Variants in ERGIC3 observed in about 807,000 individuals in gnomAD.
ERGIC3 encodes the protein endoplasmic reticulum-Golgi intermediate compartment protein 3.
A neutral mutation model predicts 54.7 loss-of-function variants in ERGIC3; 33 were observed. That is an observed-to-expected ratio of 0.60 (90% confidence interval 0.46 to 0.81). The LOEUF (loss-of-function observed/expected upper bound fraction) is 0.81. Among genes scored for constraint, ERGIC3 ranks in the 30% least tolerant of loss-of-function variants. The probability of loss-of-function intolerance (pLI) is 0.00; values close to 1 mark genes in which losing one functional copy is unlikely to be tolerated. For missense variants in ERGIC3, 399 were observed against 488.4 expected, an observed-to-expected ratio of 0.82 and a Z score of 1.73; for synonymous variants, 186 against 189.8, an observed-to-expected ratio of 0.98 and a Z score of 0.16.
intron 4 of ERGIC3, among the ~76,000 whole-genome samples, chr20:35,546,842 G>A (rs1305346434): frequency 6.6e-6 from 1 of 152,170 alleles, no homozygotes; most frequent in Non-Finnish European, 1.5e-5. Flanking sequence ...CTAGGTATGA[G>A]TATGAAAATG....
At chr20:35,552,953 G>A (rs77141883) in intron 7 of ERGIC3, among the ~76,000 whole-genome samples, 4,171 of 147,728 alleles carry the variant, frequency 0.028, 191 homozygotes, top group African/African-American at 0.097. Flanking sequence ...TGTTCTGGAG[G>A]TTCCATATCG....
chr20:35,553,940 G>C (rs533336273), intron 7 of ERGIC3, among the ~76,000 whole-genome samples: 2 of 152,234 alleles, frequency 1.3e-5, no homozygotes, highest in Non-Finnish European at 2.9e-5. Context: ...CAGAGATCTG[G>C]CTGAATTGAG....
chr20:35,554,204 T>G (rs1025871436), intron 7 of ERGIC3, among the ~76,000 whole-genome samples: 1 of 152,158 alleles, frequency 6.6e-6, no homozygotes. Flanking sequence ...CTGGCCAGAT[T>G]AGTTCACTCT....
chr20:35,548,635 T>G lies in ERGIC3; in HGVS notation c.588T>G (p.Asn196Lys), dbSNP rs746508284. The part of the protein sequence containing the change: ...GFSQKMQEQK[N>K]EGCQVYGFLE... The stretch of plus-strand genomic sequence containing the variant: ...GCCAGAAGATGCAGGAGCAGAAGAA[T>G]GAAGGCTGCCAGGTGTATGGCTTCT... The change falls in exon 6 of 13, where the codon AAT (asparagine) becomes AAG (lysine). Residue 196 changes from asparagine to lysine, a missense_variant. By Grantham distance (94) the Asn-to-Lys change is moderately conservative (BLOSUM62 0). Transcript: ENST00000348547. 1 of 1,614,200 alleles carries G rather than the reference T, an allele frequency of 6.2e-7. No individual in the cohort carries two copies. Among genetic ancestry groups the G allele is most frequent in the Admixed American group, 1.7e-5 (1 of 60,016 alleles).
chr20:35,556,620 A>T, intron 10 of ERGIC3: 1 of 487,606 alleles, frequency 2.1e-6, no homozygotes, highest in Non-Finnish European at 3.8e-6. Context: ...GTGGAGCAGC[A>T]TCTCAGCAGA....
At chr20:35,548,303 C>T (rs1003119339) in intron 5 of ERGIC3, among the ~76,000 whole-genome samples, 1 of 152,026 alleles carries the variant, frequency 6.6e-6, no homozygotes, top group African/African-American at 2.4e-5. Flanking sequence ...ATAGCAAGAC[C>T]CTATCTCTAA....
chr20:35,547,466 G>T lies in ERGIC3; in HGVS notation c.422G>T (p.Arg141Leu), dbSNP rs758603835. 2.5e-6 allele frequency: 4 copies of T among 1,613,930 alleles called. No homozygotes were observed. The highest frequency in any genetic ancestry group is 2.7e-5 in the African/African-American group (2 of 74,900). The part of the protein sequence containing the change: ...VFDPDSLDPD[R>L]CESCYGAEAE... ...GACCCTGACTCCCTGGACCCTGATC[G>T]CTGTGAGAGCTGCTATGGTGCTGAG... The change falls in exon 5 of 13, where the codon CGC (arginine) becomes CTC (leucine). Residue 141 changes from arginine (R) to leucine (L), a missense_variant. By Grantham distance (102) the Arg-to-Leu change is moderately radical. Transcript: ENST00000348547.
intron 7 of ERGIC3, 145 bp from the exon 8 acceptor site, chr20:35,554,899 T>G (rs73283830): frequency 0.17 from 171,934 of 999,584 alleles, 16,061 homozygotes; most frequent in Middle Eastern, 0.29. Flanking sequence ...CTGGCTGTCC[T>G]TAAGCAGGAC....
chr20:35,551,350 G>T (rs1394662444), intron 7 of ERGIC3, among the ~76,000 whole-genome samples: 1 of 151,974 alleles, frequency 6.6e-6, no homozygotes. Context: ...GGAGACTCAG[G>T]GCAGGTTTAG....
At chr20:35,554,330 C>T (rs992747814) in intron 7 of ERGIC3, 2 of 1,613,662 alleles carry the variant, frequency 1.2e-6, no homozygotes, top group Non-Finnish European at 1.7e-6. Context: ...CATTGTGAAG[C>T]TCTGAATCTT....
chr20:35,557,618 GATT>G lies in ERGIC3; in HGVS notation c.*115_*117del. 1 of 838,630 alleles carries G rather than the reference GATT, an allele frequency of 1.2e-6. No individual in the cohort carries two copies. The highest frequency in any genetic ancestry group is 2.5e-5 in the East Asian group (1 of 39,316). The allele number at this position is 838,630 out of a possible 1,614,324, so 51.9% of individuals were successfully genotyped here. Reference sequence around the variant, plus strand: ...CCAGCCCCAGGTTGATAAATCTATTGATTGATTGTGATAGTACTCACTGGTCTC... The same window carrying G: ...CCAGCCCCAGGTTGATAAATCTATTGGATTGTGATAGTACTCACTGGTCTC... On this transcript the variant is annotated 3_prime_UTR_variant, in exon 13 of 13. Transcript: ENST00000348547.
Position 35,548,801 on chromosome 20 carries a change from C to T in ERGIC3, c.628-7C>T. 1 of 1,614,246 alleles carries T rather than the reference C, an allele frequency of 6.2e-7. No individual in the cohort carries two copies. The highest frequency in any genetic ancestry group is 8.5e-7 in the Non-Finnish European group (1 of 1,180,044). On this transcript the variant is annotated splice_polypyrimidine_tract_variant and splice_region_variant and intron_variant, in intron 6 of 12. Transcript: ENST00000348547. ...AGCCAGTGAATGAGAGAGAATGTTC[C>T]TTACAGGTGGCCGGAAACTTCCACT... is the stretch of plus-strand genomic sequence containing the variant.
intron 4 of ERGIC3, 43 bp from the exon 5 acceptor site, chr20:35,547,369 T>G: frequency 6.6e-7 from 1 of 1,522,170 alleles, no homozygotes; most frequent in South Asian, 1.1e-5. Flanking sequence ...GATTTCACTG[T>G]GTCTGGCCCC....
chr20:35,547,074 A>C (rs751553038), intron 4 of ERGIC3, among the ~76,000 whole-genome samples: 2 of 152,204 alleles, frequency 1.3e-5, no homozygotes, highest in Non-Finnish European at 2.9e-5. Context: ...GTCACTTCTC[A>C]TCAGTGAGCC....
intron 4 of ERGIC3, among the ~76,000 whole-genome samples, chr20:35,547,049 G>T (rs2064652376): frequency 6.6e-6 from 1 of 152,156 alleles, no homozygotes; most frequent in Non-Finnish European, 1.5e-5. Context: ...TGTTTCCTCG[G>T]TTGCATTGGG....
In ERGIC3 at chr20:35,543,035, A is replaced by G. The variant is rs761171444; in HGVS notation, c.367+94A>G. On this transcript the variant is annotated intron_variant, in intron 4 of 12. Transcript: ENST00000348547. Reference sequence around the variant, plus strand: ...TGAACTGTGGCAGGCATAGTGATACATTAAACAACTAAGAGCTAGAGAAGT... The same window carrying G: ...TGAACTGTGGCAGGCATAGTGATACGTTAAACAACTAAGAGCTAGAGAAGT... 2.3e-5 allele frequency: 37 copies of G among 1,577,494 alleles called. No individual in the cohort carries two copies. In the East Asian group the frequency reaches 8.1e-4, roughly 35 times the overall value.
chr20:35,542,961 G>T lies in ERGIC3; in HGVS notation c.367+20G>T. On this transcript the variant is annotated intron_variant, in intron 4 of 12. Transcript: ENST00000348547. ...GGCATGGTAACCAGGGGAGGGGGCC[G>T]GGTCTCAGATCCCAAAGCTGGATGT... The T allele has an allele frequency of 6.2e-7, 1 of 1,613,278 alleles. No individual in the cohort carries two copies. The highest frequency in any genetic ancestry group is 1.1e-5 in the South Asian group (1 of 90,872).
Position 35,542,881 on chromosome 20 carries a change from C to T in ERGIC3, c.307C>T (p.Leu103=). 2 of 1,614,114 alleles carry T rather than the reference C, an allele frequency of 1.2e-6. No individual in the cohort carries two copies. Among genetic ancestry groups the T allele is most frequent in the Non-Finnish European group, 1.7e-6 (2 of 1,180,022 alleles). ...GEQQLDVEHN[L]FKQRLDKDGI... is the part of the protein sequence containing the mutation. Reference sequence around the variant, plus strand: ...ACAGCAGCTGGATGTGGAACACAACCTGTTCAAGCAACGACTAGATAAAGA... The same window carrying T: ...ACAGCAGCTGGATGTGGAACACAACTTGTTCAAGCAACGACTAGATAAAGA... The change falls in exon 4 of 13, where the codon CTG becomes TTG. Residue 103 remains leucine, a synonymous_variant. Transcript: ENST00000348547.
chr20:35,548,333 A>G (rs2064662215), intron 5 of ERGIC3, among the ~76,000 whole-genome samples, 176 bp from the exon 6 acceptor site: 1 of 152,172 alleles, frequency 6.6e-6, no homozygotes, highest in African/African-American at 2.4e-5. Context: ...AAAAATTAAA[A>G]AAAGAAAACA....
Sources: gnomAD v4.1 joint callset for allele counts (sites outside exome capture counted in the v4.1 genomes callset) on GRCh38, gnomAD v4.1.1 for gene constraint, MANE v1.5 for transcripts, NCBI Gene and HGNC (gene_info 2026-07-23, HGNC 2026-07-21) for gene names.